Variants in FAM83B observed in about 807,000 individuals in gnomAD.
FAM83B encodes protein FAM83B.
A neutral mutation model predicts 38.8 loss-of-function variants in FAM83B; 26 were observed. That is an observed-to-expected ratio of 0.67 (90% CI 0.49 to 0.93). The LOEUF (loss-of-function observed/expected upper bound fraction) is 0.93. Ranked by LOEUF, FAM83B falls within the 40% of genes least tolerant of loss-of-function variation. FAM83B has a pLI of 0.00. For synonymous variants in FAM83B, 419 were observed against 423.1 expected, an observed-to-expected ratio of 0.99 and a Z score of 0.12; for missense variants, 1,237 against 1,197.3, an observed-to-expected ratio of 1.03 and a Z score of -0.49.
rs760031527 is a variant in FAM83B at position 54,941,574 on chromosome 6, C to T, written c.2603C>T (p.Pro868Leu). Residue 868 changes from proline (P) to leucine (L), a missense_variant, in exon 5 of 5, where the codon CCT becomes CTT. Coordinates refer to ENST00000306858, the MANE Select transcript of FAM83B (RefSeq NM_001010872.3). ...CCACCAGATGAAAATAAAAGAACAC[C>T]TTCTCCAGGTCCAGTTGAAAGCAAG... is the stretch of plus-strand genomic sequence containing the variant. ...NAPPDENKRT[P>L]SPGPVESKFL... 11 of 1,613,930 alleles carry T rather than the reference C, an allele frequency of 6.8e-6. No homozygotes were observed. The highest frequency in any genetic ancestry group is 1.7e-5 in the Admixed American group (1 of 59,952).
chr6:54,927,728 TAAAAAAAAA>T lies in FAM83B; in HGVS notation c.734+114_734+122del, dbSNP rs1049777485. ...AATCAGTTAAGCTTTTTCTTAAAAG[TAAAAAAAAA>T]AAAAAAAAAAAAAAAAAGAGAACAC... On this transcript the variant is annotated intron_variant, in intron 4 of 4. Transcript: ENST00000306858. 286 of 99,150 alleles carry T rather than the reference TAAAAAAAAA, an allele frequency of 2.9e-3. 3 individuals are homozygous for T. The South Asian group carries it at 0.054, about 19-fold the overall frequency. 6.1% of individuals were successfully genotyped at this position (99,150 alleles called of 1,614,324 possible). A position where few individuals can be genotyped will look rare whatever the true frequency, so the allele number is the denominator to read the frequency against.
chr6:54,915,812 CAAAAAAAAAAAAAAAAA>C (rs58597609), intron 2 of FAM83B, among the ~76,000 whole-genome samples: 1 of 18,050 alleles, frequency 5.5e-5, no homozygotes, highest in Non-Finnish European at 1.2e-4. Flanking sequence ...GACTCCGTCT[CAAAAAAAAAAAAAAAAA>C]AAAAAAAAGA....
chr6:54,898,688 T>C (rs1772590992), intron 2 of FAM83B, among the ~76,000 whole-genome samples: 1 of 152,196 alleles, frequency 6.6e-6, no homozygotes, highest in African/African-American at 2.4e-5. Context: ...AGTTATGTTT[T>C]AACTCTTTCC....
At chr6:54,871,612 G>A (rs1350628452) in intron 2 of FAM83B, among the ~76,000 whole-genome samples, 2 of 147,118 alleles carry the variant, frequency 1.4e-5, no homozygotes, top group South Asian at 2.1e-4. Flanking sequence ...ATGTGGTGGC[G>A]AGTGCTTATA....
chr6:54,886,177 A>G lies in FAM83B; in HGVS notation c.444+15487A>G, dbSNP rs186529144. On this transcript the variant is annotated intron_variant, in intron 2 of 4. Transcript: ENST00000306858. ...TATTTTATTTATATAAAGCTAGATT[A>G]TATTTGCTGGTATTTTATTTATGAA... 8.0e-3 allele frequency among the ~76,000 whole-genome samples: 1,212 copies of G among 152,232 alleles called. 5 individuals are homozygous for G. Among genetic ancestry groups the G allele is most frequent in the Non-Finnish European group, 0.013 (902 of 68,000 alleles).
At chr6:54,898,617 T>C (rs2127581801) in intron 2 of FAM83B, among the ~76,000 whole-genome samples, 1 of 152,328 alleles carries the variant, frequency 6.6e-6, no homozygotes, top group Non-Finnish European at 1.5e-5. Context: ...TTACCATTTA[T>C]AGCTTCTGAC....
intron 1 of FAM83B, among the ~76,000 whole-genome samples, chr6:54,862,890 GA>G (rs74331430): frequency 0.023 from 3,455 of 147,752 alleles, 53 homozygotes; most frequent in Middle Eastern, 0.062. Flanking sequence ...AAAAAACCAC[GA>G]AAAAAAAAAT....
At chr6:54,879,829 C>T (rs895386528) in intron 2 of FAM83B, among the ~76,000 whole-genome samples, 1 of 152,096 alleles carries the variant, frequency 6.6e-6, no homozygotes, top group African/African-American at 2.4e-5. Context: ...TTGTAACAGG[C>T]GTTGGGATAA....
intron 4 of FAM83B, among the ~76,000 whole-genome samples, chr6:54,938,117 A>G (rs1773562396): frequency 6.6e-6 from 1 of 152,066 alleles, no homozygotes; most frequent in Non-Finnish European, 1.5e-5. Flanking sequence ...GAGAATATAC[A>G]ATATTTTGTT....
chr6:54,861,919 T>C (rs531477156), intron 1 of FAM83B, among the ~76,000 whole-genome samples: 9 of 152,266 alleles, frequency 5.9e-5, no homozygotes, highest in Non-Finnish European at 7.4e-5. Context: ...AGCCGGAGTG[T>C]TTCATTCAAT....
intron 2 of FAM83B, among the ~76,000 whole-genome samples, chr6:54,882,952 T>A (rs977054709): frequency 2.6e-5 from 4 of 152,094 alleles, no homozygotes; most frequent in Non-Finnish European, 4.4e-5. Flanking sequence ...ATTATTTATT[T>A]ATTTATTTTG....
At chr6:54,916,735 C>A (rs912173710) in intron 2 of FAM83B, among the ~76,000 whole-genome samples, 1 of 152,146 alleles carries the variant, frequency 6.6e-6, no homozygotes, top group African/African-American at 2.4e-5. Context: ...CTTTTCGATA[C>A]CCCTCCTCTC....
At chr6:54,902,223 C>A (rs1379245314) in intron 2 of FAM83B, among the ~76,000 whole-genome samples, 3 of 152,088 alleles carry the variant, frequency 2.0e-5, no homozygotes, top group Non-Finnish European at 4.4e-5. Context: ...GAGGTGTTTG[C>A]AAATTTATAA....
intron 1 of FAM83B, among the ~76,000 whole-genome samples, chr6:54,869,033 T>C (rs932776011): frequency 3.9e-5 from 6 of 152,162 alleles, no homozygotes; most frequent in African/African-American, 1.2e-4. Flanking sequence ...AAGTCCATCA[T>C]CTGATTGAGA....
At chr6:54,889,630 A>G (rs1772357043) in intron 2 of FAM83B, among the ~76,000 whole-genome samples, 1 of 152,160 alleles carries the variant, frequency 6.6e-6, no homozygotes, top group African/African-American at 2.4e-5. Context: ...GTGCTGTGTA[A>G]ATATTGCTAT....
chr6:54,873,641 T>C (rs1475817343), intron 2 of FAM83B, among the ~76,000 whole-genome samples: 1 of 151,222 alleles, frequency 6.6e-6, no homozygotes, highest in East Asian at 1.9e-4. Flanking sequence ...AAAGGGATGA[T>C]CTTTTTTTTT....
intron 2 of FAM83B, among the ~76,000 whole-genome samples, chr6:54,885,145 A>T (rs1772244398): frequency 6.6e-6 from 1 of 151,972 alleles, no homozygotes; most frequent in Non-Finnish European, 1.5e-5. Context: ...TTTTAGAATC[A>T]TCTTGTCAAC....
At chr6:54,869,599 G>T (rs1447488270) in intron 1 of FAM83B, among the ~76,000 whole-genome samples, 1 of 151,934 alleles carries the variant, frequency 6.6e-6, no homozygotes, top group African/African-American at 2.4e-5. Flanking sequence ...CTTGCCACCT[G>T]ATCAGATTCT....
chr6:54,889,468 C>T (rs57391208), intron 2 of FAM83B, among the ~76,000 whole-genome samples: 1,556 of 152,072 alleles, frequency 0.01, 25 homozygotes, highest in Admixed American at 0.045. Flanking sequence ...GGTTCCAGGA[C>T]GCCCACACCC....
Sources: gnomAD v4.1 joint callset for allele counts (sites outside exome capture counted in the v4.1 genomes callset) on GRCh38, gnomAD v4.1.1 for gene constraint, MANE v1.5 for transcripts, NCBI Gene and HGNC (gene_info 2026-07-23, HGNC 2026-07-21) for gene names.